WRN: variants seen among roughly 807,000 people sequenced by gnomAD.
WRN encodes the protein bifunctional 3'-5' exonuclease/ATP-dependent helicase WRN.
A neutral mutation model predicts 180.7 loss-of-function variants in WRN; 149 were observed. That is an observed-to-expected ratio of 0.82 (90% CI 0.72 to 0.94). The LOEUF is 0.94. Ranked by LOEUF, WRN falls within the 40% of genes least tolerant of loss-of-function variation. The probability of loss-of-function intolerance (pLI) is 0.00; values close to 1 mark genes in which losing one functional copy is unlikely to be tolerated. For missense variants in WRN, 1,661 were observed against 1,700.1 expected (o/e 0.98, Z 0.40); for synonymous variants, 548 against 568.9 (o/e 0.96, Z 0.52).
Position 31,142,669 on chromosome 8 carries a change from C to A in WRN, c.3277C>A (p.Gln1093Lys), listed in dbSNP as rs1802691916. Residue 1093 changes from glutamine to lysine, a missense_variant, in exon 27 of 35, where the codon CAA becomes AAA. Physicochemically the swap from Gln to Lys is moderately conservative, Grantham distance 53. Transcript: ENST00000298139. ...SSGTKEHCYNQVPVELSTEKK... is the reference protein window; with the variant it reads ...SSGTKEHCYNKVPVELSTEKK... Reference sequence around the variant, plus strand: ...GGGCACCAAAGAGCATTGTTATAATCAAGTACCAGTTGAATTAAGTACAGA... The same window carrying A: ...GGGCACCAAAGAGCATTGTTATAATAAAGTACCAGTTGAATTAAGTACAGA... 3.1e-6 allele frequency: 5 copies of A among 1,605,148 alleles called. No individual in the cohort carries two copies. The highest frequency in any genetic ancestry group is 4.3e-6 in the Non-Finnish European group (5 of 1,175,934).
intron 19 of WRN, 128 bp from the exon 20 acceptor site, chr8:31,116,226 G>T: frequency 1.1e-6 from 1 of 927,756 alleles, no homozygotes. Flanking sequence ...CATTATTTTT[G>T]ATAGGCTTTC....
chr8:31,067,279 T>A, intron 6 of WRN, 97 bp downstream of exon 6: 1 of 1,356,694 alleles, frequency 7.4e-7, no homozygotes, highest in Non-Finnish European at 1.0e-6. Context: ...GCAGAAACTC[T>A]ACCAAAATAT....
intron 33 of WRN, among the ~76,000 whole-genome samples, chr8:31,165,224 C>T (rs1387877134): frequency 2.6e-5 from 4 of 151,702 alleles, no homozygotes; most frequent in Non-Finnish European, 4.4e-5. Flanking sequence ...TGATTTTTCC[C>T]TAAAAAATTG....
chr8:31,090,758 AGAAAT>A (rs1211407128), intron 14 of WRN, 71 bp from the exon 15 acceptor site: 6 of 1,288,660 alleles, frequency 4.7e-6, no homozygotes, highest in Non-Finnish European at 6.5e-6. Context: ...CATTGTAAAA[AGAAAT>A]GAAAGCATCA....
At chr8:31,048,985 G>A (rs1811979889) in intron 1 of WRN, among the ~76,000 whole-genome samples, 1 of 151,778 alleles carries the variant, frequency 6.6e-6, no homozygotes. Flanking sequence ...TATAGTTTCT[G>A]CAGTATAGTT....
At chr8:31,114,545 A>G (rs1039946881) in intron 19 of WRN, among the ~76,000 whole-genome samples, 1 of 152,204 alleles carries the variant, frequency 6.6e-6, no homozygotes, top group African/African-American at 2.4e-5. Context: ...TATGTAGTCA[A>G]TATCAATTTG....
At chr8:31,089,077 T>C (rs1813646852) in intron 13 of WRN, 112 bp downstream of exon 13, 2 of 832,536 alleles carry the variant, frequency 2.4e-6, no homozygotes, top group Non-Finnish European at 2.0e-6. Context: ...ACTATAGTTA[T>C]ACATGCCACA....
At position 31,167,243 on chromosome 8, in the gene WRN, T is replaced by C. The variant is rs2130515643; in HGVS notation, c.4191+13T>C. The C allele has an allele frequency of 1.2e-6, 2 of 1,601,574 alleles. No individual in the cohort carries two copies. Among genetic ancestry groups the C allele is most frequent in the Non-Finnish European group, 1.7e-6 (2 of 1,171,498 alleles). ...CATCAATACTGAGGTATTAATTATA[T>C]ATAGAATTTTCATAAAGTGTCAGTT... On this transcript the variant is annotated intron_variant, in intron 34 of 34. Transcript: ENST00000298139.
chr8:31,071,850 T>G (rs767088199), intron 7 of WRN, among the ~76,000 whole-genome samples: 6 of 152,114 alleles, frequency 3.9e-5, no homozygotes, highest in Non-Finnish European at 7.3e-5. Context: ...AATAAACCAA[T>G]GGAATTTGAG....
chr8:31,128,519 A>G (rs1242326831), intron 23 of WRN, among the ~76,000 whole-genome samples: 3 of 152,204 alleles, frequency 2.0e-5, no homozygotes, highest in Non-Finnish European at 4.4e-5. Flanking sequence ...CTGATTGAGA[A>G]GCACTGAAAG....
At position 31,160,130 on chromosome 8, in the gene WRN, A is replaced by G. The variant is rs116796665; in HGVS notation, c.3982+2600A>G. On this transcript the variant is annotated intron_variant, in intron 33 of 34. Transcript: ENST00000298139. ...TGAAAGGCATTAAAAATTGGGAAAA[A>G]TTTATATTTGACAGTATCTTAACAA... 2.7e-3 allele frequency among the ~76,000 whole-genome samples: 409 copies of G among 152,238 alleles called. 2 individuals are homozygous for G. The highest frequency in any genetic ancestry group is 9.0e-3 in the African/African-American group (373 of 41,532).
rs759104633 is a variant in WRN at position 31,167,013 on chromosome 8, C to T, written c.3983-9C>T. On this transcript the variant is annotated splice_polypyrimidine_tract_variant and intron_variant, in intron 33 of 34. Transcript: ENST00000298139. Reference sequence around the variant, plus strand: ...TTATTTTGAAATGGAGTTTTTTTATCGTTTACAGATATGAGTAAAATTAGC... The same window carrying T: ...TTATTTTGAAATGGAGTTTTTTTATTGTTTACAGATATGAGTAAAATTAGC... 1.7e-5 allele frequency: 27 copies of T among 1,607,232 alleles called. No homozygotes were observed. The highest frequency in any genetic ancestry group is 6.6e-5 in the South Asian group (6 of 90,310).
chr8:31,115,222 G>T (rs1191936818), intron 19 of WRN, among the ~76,000 whole-genome samples: 1 of 152,120 alleles, frequency 6.6e-6, no homozygotes, highest in Non-Finnish European at 1.5e-5. Context: ...TACACTAAAA[G>T]AAAACTTACA....
chr8:31,150,516 A>G (rs1803082350), intron 31 of WRN, 61 bp downstream of exon 31: 1 of 1,429,354 alleles, frequency 7.0e-7, no homozygotes, highest in Non-Finnish European at 9.9e-7. Flanking sequence ...ACCATTTCAA[A>G]AGTACCCTCC....
At chr8:31,059,709 T>C (rs1306124879) in intron 3 of WRN, among the ~76,000 whole-genome samples, 1 of 152,190 alleles carries the variant, frequency 6.6e-6, no homozygotes, top group East Asian at 1.9e-4. Flanking sequence ...TGATCGGCTC[T>C]GTTGTGTGTA....
At chr8:31,122,860 GTTTTTTTTT>G (rs71206298) in intron 21 of WRN, among the ~76,000 whole-genome samples, 3,297 of 69,544 alleles carry the variant, frequency 0.047, 135 homozygotes, top group African/African-American at 0.15. Flanking sequence ...TTCTTTTCTT[GTTTTTTTTT>G]TTTTTTTTTT....
chr8:31,034,075 G>A (rs987380888), intron 1 of WRN, 102 bp downstream of exon 1: 1 of 152,286 alleles, frequency 6.6e-6, no homozygotes, highest in Non-Finnish European at 1.5e-5. Context: ...CGCGGAGCAG[G>A]CCCCTGGGCT....
intron 1 of WRN, among the ~76,000 whole-genome samples, 189 bp downstream of exon 1, chr8:31,034,162 C>T (rs924304101): frequency 1.3e-5 from 2 of 152,152 alleles, no homozygotes; most frequent in Admixed American, 6.5e-5. Flanking sequence ...AGGCGTCTCT[C>T]GGAGCTTCCG....
Position 31,167,246 on chromosome 8 carries a change from A to G in WRN, c.4191+16A>G, listed in dbSNP as rs372437526. 8 of 1,598,904 alleles carry G rather than the reference A, an allele frequency of 5.0e-6. No homozygotes were observed. The highest frequency in any genetic ancestry group is 6.8e-6 in the Non-Finnish European group (8 of 1,169,618). Reference sequence around the variant, plus strand: ...CAATACTGAGGTATTAATTATATATAGAATTTTCATAAAGTGTCAGTTTGT... The same window carrying G: ...CAATACTGAGGTATTAATTATATATGGAATTTTCATAAAGTGTCAGTTTGT... On this transcript the variant is annotated intron_variant, in intron 34 of 34. Transcript: ENST00000298139.
Sources: gnomAD v4.1 joint callset for allele counts (sites outside exome capture counted in the v4.1 genomes callset) on GRCh38, gnomAD v4.1.1 for gene constraint, MANE v1.5 for transcripts, NCBI Gene and HGNC (gene_info 2026-07-23, HGNC 2026-07-21) for gene names.